PITPNC1: variants seen among roughly 807,000 people sequenced by gnomAD.
PITPNC1 encodes the protein phosphatidylinositol transfer protein cytoplasmic 1.
Under a neutral mutation model 44.7 loss-of-function variants are expected in PITPNC1, and 18 were observed. The observed-to-expected ratio is 0.40, with a 90% CI of 0.28 to 0.60. PITPNC1 has a LOEUF of 0.60. Ranked by LOEUF, PITPNC1 falls within the 20% of genes least tolerant of loss-of-function variation. The pLI, the probability that PITPNC1 is intolerant of heterozygous loss-of-function variation, is 0.39. For synonymous variants in PITPNC1, 141 were observed against 149.6 expected (o/e 0.94, Z 0.42); for missense variants, 290 against 418.4 (o/e 0.69, Z 2.68).
intron 1 of PITPNC1, among the ~76,000 whole-genome samples, chr17:67,467,054 ATTTTTTTT>A (rs10623552): frequency 9.4e-5 from 9 of 95,354 alleles, no homozygotes; most frequent in African/African-American, 3.1e-4. Context: ...CAGTTAGGAG[ATTTTTTTT>A]TTTTTTTTTT....
At chr17:67,547,280 C>A (rs1418703009) in intron 2 of PITPNC1, among the ~76,000 whole-genome samples, 2 of 152,050 alleles carry the variant, frequency 1.3e-5, no homozygotes, top group Non-Finnish European at 2.9e-5. Flanking sequence ...TTCAGGAGGC[C>A]GAGATGGGAG....
chr17:67,647,703 T>C (rs1165959554), intron 6 of PITPNC1, among the ~76,000 whole-genome samples: 1 of 152,006 alleles, frequency 6.6e-6, no homozygotes, highest in African/African-American at 2.4e-5. Context: ...TTTTCTCACT[T>C]TAGCATCCAC....
intron 8 of PITPNC1, among the ~76,000 whole-genome samples, chr17:67,690,462 A>G (rs2042902592): frequency 6.8e-6 from 1 of 147,016 alleles, no homozygotes. Flanking sequence ...AAAAAAAAAA[A>G]AGAAAAAGAA....
intron 1 of PITPNC1, among the ~76,000 whole-genome samples, chr17:67,419,945 C>G (rs1349003153): frequency 1.3e-5 from 2 of 151,706 alleles, no homozygotes; most frequent in Non-Finnish European, 2.9e-5. Flanking sequence ...AGAGAGAAAA[C>G]CAGAACCCCT....
At chr17:67,546,009 T>A (rs943623750) in intron 2 of PITPNC1, among the ~76,000 whole-genome samples, 9 of 151,924 alleles carry the variant, frequency 5.9e-5, no homozygotes, top group African/African-American at 1.4e-4. Context: ...CTGGCTAACA[T>A]GATGAAACGC....
intron 1 of PITPNC1, among the ~76,000 whole-genome samples, chr17:67,389,298 T>C (rs940540211): frequency 1.2e-4 from 18 of 152,252 alleles, no homozygotes; most frequent in African/African-American, 4.3e-4. Flanking sequence ...TTGATTCTTT[T>C]CCAAAAGGGC....
chr17:67,534,607 C>G (rs796843752), intron 2 of PITPNC1, among the ~76,000 whole-genome samples: 1 of 151,210 alleles, frequency 6.6e-6, no homozygotes, highest in Non-Finnish European at 1.5e-5. Context: ...CCACTGTACT[C>G]CAGCTTGGGT....
chr17:67,414,065 T>C (rs1440022689), intron 1 of PITPNC1, among the ~76,000 whole-genome samples: 2 of 150,476 alleles, frequency 1.3e-5, no homozygotes, highest in African/African-American at 4.9e-5. Flanking sequence ...TATGGTAACT[T>C]GGACTTTAAT....
At chr17:67,683,689 AG>A (rs1474638788) in intron 8 of PITPNC1, among the ~76,000 whole-genome samples, 2 of 152,104 alleles carry the variant, frequency 1.3e-5, no homozygotes, top group Non-Finnish European at 2.9e-5. Context: ...AAAAAATAAT[AG>A]GGGATGGCTG....
chr17:67,495,040 G>GTTTTTTGTTTTTTTTTTTT (rs2039927033), intron 1 of PITPNC1, among the ~76,000 whole-genome samples: 1 of 64,704 alleles, frequency 1.5e-5, no homozygotes, highest in Non-Finnish European at 2.7e-5. Context: ...CCATGGAGTT[G>GTTTTTTGTTTTTTTTTTTT]TTTTTTTTTT....
At chr17:67,543,574 C>T (rs954034270) in intron 2 of PITPNC1, among the ~76,000 whole-genome samples, 2 of 152,060 alleles carry the variant, frequency 1.3e-5, no homozygotes, top group Non-Finnish European at 2.9e-5. Context: ...TAATGTTGAC[C>T]GTCTCTTCAT....
At chr17:67,513,001 C>T (rs1281311291) in intron 1 of PITPNC1, among the ~76,000 whole-genome samples, 1 of 151,882 alleles carries the variant, frequency 6.6e-6, no homozygotes, top group Non-Finnish European at 1.5e-5. Flanking sequence ...GTAGGGGAGA[C>T]AGATATAAAA....
intron 1 of PITPNC1, among the ~76,000 whole-genome samples, chr17:67,492,373 A>G (rs2039876881): frequency 6.6e-6 from 1 of 152,196 alleles, no homozygotes; most frequent in South Asian, 2.1e-4. Context: ...ACAGGAAGGA[A>G]ACATATGAAG....
chr17:67,472,444 G>T lies in PITPNC1; in HGVS notation c.49-60358G>T, dbSNP rs1008790119. Among the ~76,000 whole-genome samples the T allele has an allele frequency of 2.0e-5, 3 of 148,400 alleles. No individual in the cohort carries two copies. In the Admixed American group the frequency reaches 2.0e-4, roughly 10 times the overall value. On this transcript the variant is annotated intron_variant, in intron 1 of 8. Coordinates refer to ENST00000581322, the MANE Select transcript of PITPNC1 (RefSeq NM_012417.4). ...GGGTGGGTCACGAGGTCAGGAGATC[G>T]AGACCATCCTGGCTAACACAGTGAA...
Position 67,532,654 on chromosome 17 carries a change from A to G in PITPNC1, c.49-148A>G, listed in dbSNP as rs2040478218. On this transcript the variant is annotated intron_variant, in intron 1 of 8. Transcript: ENST00000581322. ...CAACTGGTTCTCTCCCTAGCTCCCGAGGAAAAGTAACATGAGGCCCATGTG... is the reference window on the plus strand; with the variant it reads ...CAACTGGTTCTCTCCCTAGCTCCCGGGGAAAAGTAACATGAGGCCCATGTG... The G allele has an allele frequency of 1.3e-5, 7 of 552,464 alleles. No homozygotes were observed. In the South Asian group the frequency reaches 2.0e-4, roughly 16 times the overall value. The allele number at this position is 552,464 out of a possible 1,614,324, so 34.2% of individuals were successfully genotyped here. A position where few individuals can be genotyped will look rare whatever the true frequency, so the allele number is the denominator to read the frequency against.
intron 2 of PITPNC1, among the ~76,000 whole-genome samples, chr17:67,540,000 G>A (rs1294473140): frequency 1.3e-5 from 2 of 152,116 alleles, no homozygotes; most frequent in South Asian, 2.1e-4. Flanking sequence ...ACCACCCTCA[G>A]GTTGTGGTTA....
At chr17:67,390,316 C>A in intron 1 of PITPNC1, among the ~76,000 whole-genome samples, 1 of 152,110 alleles carries the variant, frequency 6.6e-6, no homozygotes, top group Admixed American at 6.5e-5. Context: ...AGCTACAGGG[C>A]TGCAGGGGTC....
chr17:67,403,749 TTA>T, intron 1 of PITPNC1, among the ~76,000 whole-genome samples: 1 of 152,048 alleles, frequency 6.6e-6, no homozygotes, highest in East Asian at 1.9e-4. Flanking sequence ...TGGACTGGCG[TTA>T]TGTCTCACGG....
At chr17:67,386,727 T>A (rs562888724) in intron 1 of PITPNC1, among the ~76,000 whole-genome samples, 2 of 152,296 alleles carry the variant, frequency 1.3e-5, no homozygotes, top group East Asian at 3.9e-4. Flanking sequence ...CTGGCTGGCT[T>A]GTGTGGGCTT....
Sources: allele counts gnomAD v4.1 joint callset (sites outside exome capture counted in the v4.1 genomes callset), GRCh38; gene constraint gnomAD v4.1.1; transcripts MANE v1.5; gene names NCBI Gene and HGNC (gene_info 2026-07-23, HGNC 2026-07-21).